The following DEUP1 variants were observed in gnomAD, a reference collection of about 807,000 sequenced individuals.
DEUP1 encodes the protein coiled-coil domain containing 67.
In DEUP1, 82 loss-of-function variants were observed where a neutral mutation model predicts 87.4. That is an observed-to-expected ratio of 0.94 (90% CI 0.78 to 1.13). The LOEUF (loss-of-function observed/expected upper bound fraction) is 1.13. Ranked by LOEUF, DEUP1 falls within the 50% of genes most tolerant of loss-of-function variation. The pLI, the probability that DEUP1 is intolerant of heterozygous loss-of-function variation, is 0.00. For missense variants in DEUP1, 663 were observed against 681.5 expected, an observed-to-expected ratio of 0.97 and a Z score of 0.30; for synonymous variants, 214 against 222.7, an observed-to-expected ratio of 0.96 and a Z score of 0.35.
chr11:93,429,130 C>T (rs531756951), intron 13 of DEUP1, among the ~76,000 whole-genome samples: 2 of 151,972 alleles, frequency 1.3e-5, no homozygotes, highest in South Asian at 2.1e-4. Flanking sequence ...CCCTTTGTTG[C>T]TTATATGTTG....
intron 7 of DEUP1, among the ~76,000 whole-genome samples, chr11:93,377,990 T>A (rs1453748463): frequency 4.6e-5 from 4 of 86,200 alleles, no homozygotes; most frequent in Admixed American, 4.0e-4. Context: ...TCTGATAGGT[T>A]TTTTTTTTAA....
intron 5 of DEUP1, among the ~76,000 whole-genome samples, chr11:93,368,204 T>G (rs564014317): frequency 6.6e-6 from 1 of 152,376 alleles, no homozygotes; most frequent in African/African-American, 2.4e-5. Context: ...ACTGCCTAAA[T>G]GAGGCCTGGC....
chr11:93,437,904 C>T lies in DEUP1; in HGVS notation c.*185C>T. Reference sequence around the variant, plus strand: ...TTCTATAAAGCTGTTCACATTTCTGCATTAACATGCTAAATTGTCCTGCTG... The same window carrying T: ...TTCTATAAAGCTGTTCACATTTCTGTATTAACATGCTAAATTGTCCTGCTG... On this transcript the variant is annotated 3_prime_UTR_variant, in exon 14 of 14. Transcript: ENST00000298050. The T allele has an allele frequency of 4.2e-6, 2 of 471,166 alleles. No individual in the cohort carries two copies. The highest frequency in any genetic ancestry group is 7.7e-6 in the Non-Finnish European group (2 of 260,736). 29.2% of individuals were successfully genotyped at this position (471,166 alleles called of 1,614,324 possible).
intron 13 of DEUP1, among the ~76,000 whole-genome samples, chr11:93,423,754 G>A (rs377463881): frequency 5.8e-5 from 3 of 51,496 alleles, no homozygotes; most frequent in South Asian, 1.0e-3. Context: ...GGTACATAAC[G>A]AAATGAAGGC....
rs570043530 is a variant in DEUP1 at position 93,396,342 on chromosome 11, A to G, written c.1326+17A>G. The G allele has an allele frequency of 1.0e-5, 14 of 1,403,872 alleles. No individual in the cohort carries two copies. In the East Asian group the frequency reaches 3.1e-4, roughly 31 times the overall value. The allele number at this position is 1,403,872 out of a possible 1,614,324, so 87.0% of individuals were successfully genotyped here. ...GAATACATGGTAATATGCTGACATC[A>G]TTCAATAAATTGAACAAAGAGATTA... On this transcript the variant is annotated intron_variant, in intron 11 of 13. Coordinates refer to ENST00000298050, the MANE Select transcript of DEUP1 (RefSeq NM_181645.4).
At chr11:93,380,280 T>A (rs1207600399) in intron 7 of DEUP1, among the ~76,000 whole-genome samples, 1 of 152,204 alleles carries the variant, frequency 6.6e-6, no homozygotes, top group South Asian at 2.1e-4. Context: ...CATTTTGTGA[T>A]GTTTTCCGTA....
chr11:93,428,922 T>C (rs1363352801), intron 13 of DEUP1, among the ~76,000 whole-genome samples: 3 of 152,156 alleles, frequency 2.0e-5, no homozygotes, highest in African/African-American at 7.2e-5. Context: ...GCTATTATGG[T>C]CAGTGTGTAG....
intron 9 of DEUP1, among the ~76,000 whole-genome samples, chr11:93,390,358 C>A (rs977853885): frequency 2.6e-5 from 4 of 151,952 alleles, no homozygotes; most frequent in South Asian, 2.1e-4. Flanking sequence ...ATAGGAAACA[C>A]AATAATATGA....
intron 2 of DEUP1, among the ~76,000 whole-genome samples, chr11:93,345,818 C>G (rs1944322827): frequency 1.3e-5 from 2 of 152,050 alleles, no homozygotes; most frequent in Non-Finnish European, 2.9e-5. Context: ...CTGTTTACCT[C>G]TGTTGATAGT....
intron 7 of DEUP1, among the ~76,000 whole-genome samples, chr11:93,373,594 C>T (rs11020289): frequency 0.26 from 34,291 of 131,108 alleles, 4,466 homozygotes; most frequent in South Asian, 0.4. Context: ...TATATATATA[C>T]GTATATATAT....
At position 93,385,459 on chromosome 11, in the gene DEUP1, G is replaced by C. The variant is rs764368072; in HGVS notation, c.851G>C (p.Arg284Thr). Residue 284 changes from arginine (R) to threonine (T), a missense_variant, in exon 8 of 14, where the codon AGA (arginine) becomes ACA (threonine). Transcript: ENST00000298050. Reference sequence around the variant, plus strand: ...TTACAGTCACGTGATGATCTCTTGAGAATTATAGAAATGGAACGATTGCAA... The same window carrying C: ...TTACAGTCACGTGATGATCTCTTGACAATTATAGAAATGGAACGATTGCAA... ...SELQSRDDLL[R>T]IIEMERLQLH... 2 of 1,612,408 alleles carry C rather than the reference G, an allele frequency of 1.2e-6. No individual in the cohort carries two copies. The highest frequency in any genetic ancestry group is 1.7e-6 in the Non-Finnish European group (2 of 1,179,074).
intron 2 of DEUP1, among the ~76,000 whole-genome samples, chr11:93,333,593 A>G (rs1024164859): frequency 2.0e-5 from 3 of 152,226 alleles, no homozygotes; most frequent in African/African-American, 7.2e-5. Context: ...GACCAGATGA[A>G]GCTTAGAAGT....
intron 8 of DEUP1, among the ~76,000 whole-genome samples, chr11:93,388,772 A>G (rs1946670947): frequency 6.6e-6 from 1 of 152,076 alleles, no homozygotes; most frequent in South Asian, 2.1e-4. Context: ...TATTCTGCCA[A>G]TTTTTAATGT....
chr11:93,377,257 T>C (rs1475209796), intron 7 of DEUP1, among the ~76,000 whole-genome samples: 1 of 152,172 alleles, frequency 6.6e-6, no homozygotes, highest in African/African-American at 2.4e-5. Flanking sequence ...TCTCATTTCT[T>C]AGGTCTAGTG....
chr11:93,336,256 G>T (rs997319428), intron 2 of DEUP1, among the ~76,000 whole-genome samples: 3 of 152,112 alleles, frequency 2.0e-5, no homozygotes, highest in Non-Finnish European at 2.9e-5. Flanking sequence ...GAGAGAGAAG[G>T]GGGGAGTTGC....
At chr11:93,418,799 T>C (rs1947749599) in intron 13 of DEUP1, among the ~76,000 whole-genome samples, 1 of 151,934 alleles carries the variant, frequency 6.6e-6, no homozygotes, top group Admixed American at 6.6e-5. Flanking sequence ...CCAACAATGA[T>C]AGACTGGATT....
Position 93,357,001 on chromosome 11 carries a change from G to A in DEUP1, c.255G>A (p.Met85Ile). The part of the protein sequence containing the change: ...LDSLEKCNLA[M>I]TQNYEGQLQS... ...GTCTGGAAAAATGTAATTTAGCAAT[G>A]ACTCAGAATTATGAAGGACAACTAC... Residue 85 changes from methionine (M) to isoleucine (I), a missense_variant, in exon 4 of 14, where the codon ATG (methionine) becomes ATA (isoleucine). Physicochemically the swap from Met to Ile is conservative, Grantham distance 10. Coordinates refer to ENST00000298050, the MANE Select transcript of DEUP1 (RefSeq NM_181645.4). 6.2e-7 allele frequency: 1 copy of A among 1,602,464 alleles called. No homozygotes were observed. Among genetic ancestry groups the A allele is most frequent in the South Asian group, 1.1e-5 (1 of 88,028 alleles).
Position 93,343,841 on chromosome 11 carries a change from A to G in DEUP1, c.30-11530A>G, listed in dbSNP as rs540029665. On this transcript the variant is annotated intron_variant, in intron 2 of 13. Transcript: ENST00000298050. Reference sequence around the variant, plus strand: ...AAGGCCTTTATAAGTACATTTAAGCACTTTTTTTTAGAATAATGAGGTTTA... The same window carrying G: ...AAGGCCTTTATAAGTACATTTAAGCGCTTTTTTTTAGAATAATGAGGTTTA... Among the ~76,000 whole-genome samples, 316 of 152,268 alleles carry G rather than the reference A, an allele frequency of 2.1e-3. 2 individuals carry two copies. Among genetic ancestry groups the G allele is most frequent in the Non-Finnish European group, 3.4e-3 (229 of 68,024 alleles).
In DEUP1 at chr11:93,438,457, AATGT is replaced by A; in HGVS notation, c.*740_*743del. ...ACTTCTGTTTTTAATACAATAAAGG[AATGT>A]AAAATTCAATGGACTTGAAGCATAA... On this transcript the variant is annotated 3_prime_UTR_variant, in exon 14 of 14. Transcript: ENST00000298050. 6.6e-6 allele frequency: 1 copy of A among 152,212 alleles called. No homozygotes were observed. Among genetic ancestry groups the A allele is most frequent in the East Asian group, 1.9e-4 (1 of 5,196 alleles). 9.4% of individuals were successfully genotyped at this position (152,212 alleles called of 1,614,324 possible).
Sources: gnomAD v4.1 joint callset for allele counts (sites outside exome capture counted in the v4.1 genomes callset) on GRCh38, gnomAD v4.1.1 for gene constraint, MANE v1.5 for transcripts, NCBI Gene and HGNC (gene_info 2026-07-23, HGNC 2026-07-21) for gene names.